Variants in G6PC3 observed in about 807,000 individuals in gnomAD.
The protein encoded by G6PC3 is glucose-6-phosphatase catalytic subunit 3.
A neutral mutation model predicts 38.6 loss-of-function variants in G6PC3; 30 were observed. The ratio of observed to expected loss-of-function variants is 0.78; its 90% CI spans 0.58 to 1.05. G6PC3 has a LOEUF of 1.05. Among genes scored for constraint, G6PC3 ranks in the 50% least tolerant of loss-of-function variants. The pLI is 0.00. For missense variants in G6PC3, 377 were observed against 443.1 expected (o/e 0.85, Z 1.34); for synonymous variants, 192 against 178.1 (o/e 1.08, Z -0.62).
At chr17:44,075,151 G>A (rs976135063) in intron 4 of G6PC3, 64 bp downstream of exon 4, 2 of 1,494,470 alleles carry the variant, frequency 1.3e-6, no homozygotes, top group African/African-American at 1.4e-5. Flanking sequence ...GATCAGTCTA[G>A]GATCTTCCCA....
rs2050070785 is a variant in G6PC3 at position 44,075,313 on chromosome 17, C to T, written c.539C>T (p.Ala180Val). 3 of 1,614,060 alleles carry T rather than the reference C, an allele frequency of 1.9e-6. No individual in the cohort carries two copies. The highest frequency in any genetic ancestry group is 2.7e-5 in the African/African-American group (2 of 74,928). ...TGTTGTCACTCCACTCTCCTAGGCG[C>T]TGTCCTGGGCTGGCTGATGACTCCC... ...HQVLAGLITGAVLGWLMTPRV... is the reference protein window; with the variant it reads ...HQVLAGLITGVVLGWLMTPRV... Residue 180 changes from alanine (A) to valine (V), a missense_variant, in exon 5 of 6, where the codon GCT becomes GTT. By Grantham distance (64) the Ala-to-Val change is moderately conservative. Coordinates refer to ENST00000269097, the MANE Select transcript of G6PC3 (RefSeq NM_138387.4).
chr17:44,075,573 C>T (rs2050081528), intron 5 of G6PC3, 107 bp from the exon 6 acceptor site: 1 of 1,599,302 alleles, frequency 6.3e-7, no homozygotes, highest in African/African-American at 1.3e-5. Flanking sequence ...CATAGACCCT[C>T]ACAGGCACAA....
chr17:44,070,913 A>T lies in G6PC3; in HGVS notation c.-53A>T. 6.5e-7 allele frequency: 1 copy of T among 1,537,832 alleles called. No homozygotes were observed. The highest frequency in any genetic ancestry group is 8.7e-7 in the Non-Finnish European group (1 of 1,144,766). ...GGGTCGACGCTGCTTCGTTGCCTGGACTCTGGTTTCCGCCCTGGAGCAAGC... is the reference window on the plus strand; with the variant it reads ...GGGTCGACGCTGCTTCGTTGCCTGGTCTCTGGTTTCCGCCCTGGAGCAAGC... On this transcript the variant is annotated 5_prime_UTR_variant, in exon 1 of 6. Coordinates refer to ENST00000269097, the MANE Select transcript of G6PC3 (RefSeq NM_138387.4).
At chr17:44,072,352 C>CG (rs2049996926) in intron 1 of G6PC3, 2 of 115,510 alleles carry the variant, frequency 1.7e-5, no homozygotes, top group African/African-American at 6.4e-5. Context: ...TTTTTTGAGA[C>CG]GGAGTCTCGC....
chr17:44,072,627 CT>C (rs57662252), intron 1 of G6PC3: 38,330 of 127,366 alleles, frequency 0.3, 5,883 homozygotes, highest in East Asian at 0.71. Context: ...ACCTGGCATT[CT>C]TTTTTTTTTT....
chr17:44,072,453 C>A (rs1418631768), intron 1 of G6PC3: 1 of 151,524 alleles, frequency 6.6e-6, no homozygotes, highest in Non-Finnish European at 1.5e-5. Context: ...CCTCAGCCTC[C>A]CAAGTAGCTG....
At chr17:44,072,743 T>C (rs1246198586) in intron 1 of G6PC3, 3 of 151,432 alleles carry the variant, frequency 2.0e-5, no homozygotes, top group Non-Finnish European at 4.4e-5. Flanking sequence ...GTTCAAGAGA[T>C]TCTTCTGCCT....
At chr17:44,071,720 A>T (rs2049982685) in intron 1 of G6PC3, 1 of 1,047,064 alleles carries the variant, frequency 9.6e-7, no homozygotes, top group African/African-American at 1.6e-5. Context: ...CCAACGGCAT[A>T]GGCAGCACTT....
In G6PC3 at chr17:44,075,336, C is replaced by G. The variant is rs2050071597; in HGVS notation, c.562C>G (p.Pro188Ala). The G allele has an allele frequency of 6.2e-7, 1 of 1,614,168 alleles. No individual in the cohort carries two copies. The highest frequency in any genetic ancestry group is 8.5e-7 in the Non-Finnish European group (1 of 1,180,020). ...TGAVLGWLMT[P>A]RVPMERELSF... The stretch of plus-strand genomic sequence containing the variant: ...CGCTGTCCTGGGCTGGCTGATGACT[C>G]CCCGAGTGCCTATGGAGCGGGAGCT... Residue 188 changes from proline (P) to alanine (A), a missense_variant, in exon 5 of 6, where the codon CCC becomes GCC. Coordinates refer to ENST00000269097, the MANE Select transcript of G6PC3 (RefSeq NM_138387.4).
chr17:44,075,147 T>C, intron 4 of G6PC3, 60 bp downstream of exon 4: 1 of 1,494,446 alleles, frequency 6.7e-7, no homozygotes, highest in Non-Finnish European at 9.3e-7. Context: ...GGAGGATCAG[T>C]CTAGGATCTT....
Position 44,076,160 on chromosome 17 carries a change from A to C in G6PC3, c.*117A>C. ...CCTAAGTAGGCCCTCCCCTCCCTAA[A>C]TCTGCTTCCGCACCACCTGGTCTTA... is the stretch of plus-strand genomic sequence containing the variant. On this transcript the variant is annotated 3_prime_UTR_variant, in exon 6 of 6. Transcript: ENST00000269097. 9.7e-6 allele frequency: 13 copies of C among 1,338,524 alleles called. No homozygotes were observed. Among genetic ancestry groups the C allele is most frequent in the Non-Finnish European group, 1.3e-5 (12 of 944,250 alleles). The allele number at this position is 1,338,524 out of a possible 1,614,324, so 82.9% of individuals were successfully genotyped here.
chr17:44,075,124 G>A, intron 4 of G6PC3, 37 bp downstream of exon 4: 2 of 1,559,870 alleles, frequency 1.3e-6, no homozygotes, highest in East Asian at 4.5e-5. Flanking sequence ...CTGAGAGGAT[G>A]CCTTTGGCAG....
Position 44,070,787 on chromosome 17 carries a change from G to T in G6PC3, c.-179G>T. The T allele has an allele frequency of 1.4e-6, 1 of 705,122 alleles. No individual in the cohort carries two copies. The highest frequency in any genetic ancestry group is 2.5e-6 in the Non-Finnish European group (1 of 399,444). 43.7% of individuals were successfully genotyped at this position (705,122 alleles called of 1,614,324 possible). A position where few individuals can be genotyped will look rare whatever the true frequency, so the allele number is the denominator to read the frequency against. ...CAGGAGGAAACAGTACCGGCTGGAG[G>T]CCGGTCTTGCAGGAGCGGGGGACTG... is the stretch of plus-strand genomic sequence containing the variant. On this transcript the variant is annotated 5_prime_UTR_variant, in exon 1 of 6. Transcript: ENST00000269097.
Position 44,075,923 on chromosome 17 carries a change from C to A in G6PC3, c.921C>A (p.Ser307Arg), listed in dbSNP as rs767908887. The A allele has an allele frequency of 1.2e-6, 2 of 1,613,200 alleles. No homozygotes were observed. The highest frequency in any genetic ancestry group is 4.5e-5 in the East Asian group (2 of 44,880). The change falls in exon 6 of 6, where the codon AGC (serine) becomes AGA (arginine). Residue 307 changes from serine to arginine, a missense_variant. Ser to Arg is a moderately radical substitution (Grantham distance 110). Coordinates refer to ENST00000269097, the MANE Select transcript of G6PC3 (RefSeq NM_138387.4). ...GGCTGGGCCACCCCCCTCAGATCAG[C>A]CTCTTCTACATTTTCAATTTCCTCA... is the stretch of plus-strand genomic sequence containing the variant. ...LDWLGHPPQI[S>R]LFYIFNFLKY...
chr17:44,071,425 G>A, intron 1 of G6PC3: 3 of 678,728 alleles, frequency 4.4e-6, no homozygotes, highest in South Asian at 3.9e-5. Context: ...CCTAAGGGGC[G>A]TGTCTAAAAT....
At chr17:44,074,816 C>G (rs777763029) in intron 3 of G6PC3, 46 bp downstream of exon 3, 1 of 1,559,834 alleles carries the variant, frequency 6.4e-7, no homozygotes, top group Non-Finnish European at 8.8e-7. Flanking sequence ...GGTGATGGCA[C>G]CCTGTACCTA....
At position 44,070,752 on chromosome 17, in the gene G6PC3, G is replaced by C; in HGVS notation, c.-214G>C. 4 of 639,934 alleles carry C rather than the reference G, an allele frequency of 6.3e-6. No individual in the cohort carries two copies. The highest frequency in any genetic ancestry group is 8.4e-6 in the Non-Finnish European group (3 of 356,152). The allele number at this position is 639,934 out of a possible 1,614,324, so 39.6% of individuals were successfully genotyped here. A position where few individuals can be genotyped will look rare whatever the true frequency, so the allele number is the denominator to read the frequency against. ...CGCTGCCCAGTAGGGAGGAAAACCG[G>C]AGGAGAGCGCAGGAGGAAACAGTAC... is the stretch of plus-strand genomic sequence containing the variant. On this transcript the variant is annotated 5_prime_UTR_variant, in exon 1 of 6. Coordinates refer to ENST00000269097, the MANE Select transcript of G6PC3 (RefSeq NM_138387.4).
In G6PC3 at chr17:44,071,025, C is replaced by G. The variant is rs1555626202; in HGVS notation, c.60C>G (p.Ala20=). Residue 20 remains alanine, a synonymous_variant, in exon 1 of 6, where the codon GCC becomes GCG. Coordinates refer to ENST00000269097, the MANE Select transcript of G6PC3 (RefSeq NM_138387.4). ...VIAEALQNQL[A]WLENVWLWIT... ...CCGAGGCGCTACAGAACCAGCTAGC[C>G]TGGCTGGAGAACGTGTGGCTCTGGA... The G allele has an allele frequency of 1.3e-6, 2 of 1,585,088 alleles. No homozygotes were observed. The highest frequency in any genetic ancestry group is 1.3e-5 in the African/African-American group (1 of 74,532).
intron 1 of G6PC3, 29 bp downstream of exon 1, chr17:44,071,212 G>T: frequency 6.2e-7 from 1 of 1,605,276 alleles, no homozygotes; most frequent in Non-Finnish European, 8.5e-7. Context: ...CCGGCATCCT[G>T]GTCCCCACCC....
Sources: gnomAD v4.1 joint callset for allele counts on GRCh38, gnomAD v4.1.1 for gene constraint, MANE v1.5 for transcripts, NCBI Gene and HGNC (gene_info 2026-07-23, HGNC 2026-07-21) for gene names.